Variants in THBS4 observed in about 807,000 individuals in gnomAD.
THBS4 encodes thrombospondin 4, also known as thrombospondin-4.
Under a neutral mutation model 115.7 loss-of-function variants are expected in THBS4, and 90 were observed. The observed-to-expected ratio is 0.78, with a 90% CI of 0.66 to 0.93. The LOEUF (loss-of-function observed/expected upper bound fraction) is 0.93. Among genes scored for constraint, THBS4 ranks in the 40% least tolerant of loss-of-function variants. The probability of loss-of-function intolerance (pLI) is 0.00; values close to 1 mark genes in which losing one functional copy is unlikely to be tolerated. For missense variants in THBS4, 1,087 were observed against 1,232.7 expected, an observed-to-expected ratio of 0.88 and a Z score of 1.77; for synonymous variants, 460 against 479.3, an observed-to-expected ratio of 0.96 and a Z score of 0.53.
intron 1 of THBS4, among the ~76,000 whole-genome samples, chr5:80,037,766 G>T (rs1267205352): frequency 6.6e-6 from 1 of 152,110 alleles, no homozygotes; most frequent in Non-Finnish European, 1.5e-5. Context: ...AAGATGTTTT[G>T]TCCTGAATGG....
At chr5:79,997,904 G>A (rs908920204) in intron 1 of THBS4, among the ~76,000 whole-genome samples, 1 of 152,330 alleles carries the variant, frequency 6.6e-6, no homozygotes, top group African/African-American at 2.4e-5. Flanking sequence ...CAGTGGGTCA[G>A]AGAGGAAGTG....
chr5:80,009,925 G>C (rs1346925546), intron 2 of THBS4, among the ~76,000 whole-genome samples: 2 of 152,064 alleles, frequency 1.3e-5, no homozygotes, highest in Non-Finnish European at 2.9e-5. Context: ...TTGAAGCCAG[G>C]AGTTCAAGAC....
At chr5:80,019,819 C>G (rs1234146531) in intron 2 of THBS4, 3 of 165,960 alleles carry the variant, frequency 1.8e-5, no homozygotes, top group African/African-American at 7.2e-5. Flanking sequence ...CACGGGGAGC[C>G]TGTAACCGTG....
chr5:80,031,033 T>TC (rs1290931987), upstream of THBS4, among the ~76,000 whole-genome samples: 1 of 152,158 alleles, frequency 6.6e-6, no homozygotes, highest in Non-Finnish European at 1.5e-5. Context: ...GCAGGATAGA[T>TC]CCCCACTCTC....
chr5:80,029,919 G>A (rs923551380), intron 2 of THBS4, among the ~76,000 whole-genome samples: 4 of 152,022 alleles, frequency 2.6e-5, no homozygotes, highest in African/African-American at 7.2e-5. Flanking sequence ...GCAGTAAGCC[G>A]AGATCGCGCT....
intron 1 of THBS4, chr5:80,036,012 C>G (rs1489507287): frequency 9.9e-7 from 1 of 1,007,172 alleles, no homozygotes; most frequent in East Asian, 9.8e-5. Context: ...TCCCTAAATC[C>G]TTCCTCAGGC....
chr5:80,007,012 A>T (rs1832032356), intron 2 of THBS4, among the ~76,000 whole-genome samples: 1 of 152,244 alleles, frequency 6.6e-6, no homozygotes, highest in African/African-American at 2.4e-5. Context: ...AAATGAACAA[A>T]GTGGACAAAA....
chr5:79,994,717 G>A (rs1831756737), intron 1 of THBS4, among the ~76,000 whole-genome samples: 1 of 152,146 alleles, frequency 6.6e-6, no homozygotes, highest in Non-Finnish European at 1.5e-5. Flanking sequence ...GAGGCGGGAG[G>A]ATGGCTTGAG....
At chr5:80,031,454 C>T (rs1832585202), upstream of THBS4, among the ~76,000 whole-genome samples, 1 of 152,252 alleles carries the variant, frequency 6.6e-6, no homozygotes, top group African/African-American at 2.4e-5. Flanking sequence ...TATCAGTTCT[C>T]TATTGCTACA....
Position 80,035,608 on chromosome 5 carries a change from C to G in THBS4, c.71C>G (p.Ala24Gly). 1 of 1,394,122 alleles carries G rather than the reference C, an allele frequency of 7.2e-7. No individual in the cohort carries two copies. Among genetic ancestry groups the G allele is most frequent in the South Asian group, 1.6e-5 (1 of 62,860 alleles). The allele number at this position is 1,394,122 out of a possible 1,614,324, so 86.4% of individuals were successfully genotyped here. A position where few individuals can be genotyped will look rare whatever the true frequency, so the allele number is the denominator to read the frequency against. The change falls in exon 1 of 22, where the codon GCC becomes GGC. Residue 24 changes from alanine (A) to glycine (G), a missense_variant. Around this residue, in one of 3 missense-constraint regions of THBS4, gnomAD observed 979 missense variants for 1,103.7 expected, o/e 0.89. Transcript: ENST00000350881. This position sits in a 1 kb window ranked among gnomAD's most constrained non-coding sequence, Gnocchi z 4.6. ...CTGCAGCGGTGGCTAGCGGCAGGCG[C>G]CCAGGCCACCCCCCAGGGTAAGTGG... Reference protein sequence around the residue: ...LVLQRWLAAGAQATPQVFDLL... With the variant: ...LVLQRWLAAGGQATPQVFDLL...
chr5:80,061,808 C>G lies in THBS4; in HGVS notation c.1101C>G (p.Ile367Met). 1 of 1,610,062 alleles carries G rather than the reference C, an allele frequency of 6.2e-7. No homozygotes were observed. The highest frequency in any genetic ancestry group is 8.5e-7 in the Non-Finnish European group (1 of 1,178,734). ...FTGPMVQGVG[I>M]SFAKSNKQVC... ...GGCCCATGGTGCAGGGTGTTGGGAT[C>G]AGTTTTGCCAAGTCAAACAAGCAGG... The change falls in exon 8 of 22, where the codon ATC becomes ATG. Residue 367 changes from isoleucine to methionine, a missense_variant. This residue lies in a region of THBS4 where 979 missense variants were observed against 1,103.7 expected (regional missense o/e 0.89). Coordinates refer to ENST00000350881, the MANE Select transcript of THBS4 (RefSeq NM_003248.6).
At chr5:80,024,343 G>C (rs1174684688) in intron 2 of THBS4, among the ~76,000 whole-genome samples, 1 of 152,172 alleles carries the variant, frequency 6.6e-6, no homozygotes, top group Non-Finnish European at 1.5e-5. Context: ...AATGTTTCAA[G>C]ATCATGCATC....
At chr5:80,036,738 G>C (rs1026411224) in intron 1 of THBS4, among the ~76,000 whole-genome samples, 1 of 152,178 alleles carries the variant, frequency 6.6e-6, no homozygotes, top group South Asian at 2.1e-4. Context: ...CTGGTCAGGC[G>C]TGAGCTTCAT....
chr5:80,082,335 C>T, intron 20 of THBS4, 71 bp from the exon 21 acceptor site: 1 of 1,586,788 alleles, frequency 6.3e-7, no homozygotes, highest in Non-Finnish European at 8.6e-7. Flanking sequence ...AGTGGGGCCC[C>T]TGGGCCTCAC....
At chr5:80,044,667 C>T (rs997640334) in intron 2 of THBS4, among the ~76,000 whole-genome samples, 6 of 152,070 alleles carry the variant, frequency 3.9e-5, no homozygotes, top group Non-Finnish European at 8.8e-5. Context: ...TCAAGTGATC[C>T]TCCTGTCTCG....
At chr5:80,045,171 T>C (rs989995710) in intron 2 of THBS4, among the ~76,000 whole-genome samples, 1 of 152,236 alleles carries the variant, frequency 6.6e-6, no homozygotes, top group East Asian at 1.9e-4. Context: ...TTTAGGCAAC[T>C]GTTTTCTAAT....
chr5:80,081,811 C>T (rs1743521103), intron 20 of THBS4, among the ~76,000 whole-genome samples: 1 of 152,188 alleles, frequency 6.6e-6, no homozygotes, highest in African/African-American at 2.4e-5. Context: ...GAATGCAGGA[C>T]AGGTTTTGAT....
In THBS4 at chr5:80,040,191, C is replaced by A. The variant is rs1194965019; in HGVS notation, c.203C>A (p.Thr68Asn). ...GTGATTTCCACCTTCAAGCTGCAGA[C>A]TAAAAGTTCAGCCACCATCTTCGGT... is the stretch of plus-strand genomic sequence containing the variant. ...LYVISTFKLQ[T>N]KSSATIFGLY... Residue 68 changes from threonine (T) to asparagine (N), a missense_variant, in exon 2 of 22, where the codon ACT becomes AAT. Transcript: ENST00000350881. 1.2e-6 allele frequency: 2 copies of A among 1,614,030 alleles called. No homozygotes were observed. Among genetic ancestry groups the A allele is most frequent in the Admixed American group, 3.3e-5 (2 of 59,998 alleles).
At chr5:80,073,404 G>A in intron 15 of THBS4, 77 bp downstream of exon 15, 2 of 1,286,382 alleles carry the variant, frequency 1.6e-6, no homozygotes, top group Non-Finnish European at 1.1e-6. Context: ...TTTTTTTTGA[G>A]GCGGAGTCTC....
Sources: allele counts gnomAD v4.1 joint callset (sites outside exome capture counted in the v4.1 genomes callset), GRCh38; gene constraint gnomAD v4.1.1; regional missense constraint gnomAD v4.1.1; non-coding constraint Gnocchi (gnomAD v3.1); transcripts MANE v1.5; gene names NCBI Gene and HGNC (gene_info 2026-07-23, HGNC 2026-07-21).